The following FOXJ3 variants were observed in gnomAD, a reference collection of about 807,000 sequenced individuals.
The protein encoded by FOXJ3 is forkhead box J3.
Under a neutral mutation model 76.1 loss-of-function variants are expected in FOXJ3, and 22 were observed. The observed-to-expected ratio is 0.29, with a 90% CI of 0.21 to 0.41. The LOEUF (loss-of-function observed/expected upper bound fraction) is 0.41, where lower values mean the gene tolerates loss of function less well. Among genes scored for constraint, FOXJ3 ranks in the 10% least tolerant of loss-of-function variants. The pLI, the probability that FOXJ3 is intolerant of heterozygous loss-of-function variation, is 1.00. For synonymous variants in FOXJ3, 269 were observed against 261.2 expected, an observed-to-expected ratio of 1.03 and a Z score of -0.29; for missense variants, 613 against 762.1, an observed-to-expected ratio of 0.80 and a Z score of 2.30.
chr1:42,237,405 C>CATACATATATATATATATAT (rs1256003745), intron 4 of FOXJ3, among the ~76,000 whole-genome samples: 1 of 140,772 alleles, frequency 7.1e-6, no homozygotes, highest in Non-Finnish European at 1.5e-5. Context: ...TACATACATA[C>CATACATATATATATATATAT]ATATATATAT....
chr1:42,217,703 A>G (rs750975772), intron 5 of FOXJ3, among the ~76,000 whole-genome samples: 1 of 152,204 alleles, frequency 6.6e-6, no homozygotes, highest in Non-Finnish European at 1.5e-5. Flanking sequence ...CAATATTGCT[A>G]GGATGTCAAT....
chr1:42,262,446 A>G (rs1008493479), intron 4 of FOXJ3, among the ~76,000 whole-genome samples: 6 of 152,224 alleles, frequency 3.9e-5, no homozygotes, highest in Non-Finnish European at 8.8e-5. Context: ...AAAAAACAAA[A>G]TCTCATTTTG....
At chr1:42,292,397 C>A (rs1186505460) in intron 2 of FOXJ3, among the ~76,000 whole-genome samples, 1 of 152,110 alleles carries the variant, frequency 6.6e-6, no homozygotes, top group Non-Finnish European at 1.5e-5. Context: ...TAGCCAAAAA[C>A]TGAAAACAAT....
chr1:42,252,438 T>C (rs1172415209), intron 4 of FOXJ3, among the ~76,000 whole-genome samples: 4 of 152,166 alleles, frequency 2.6e-5, no homozygotes, highest in African/African-American at 4.8e-5. Context: ...TCTCTGATGG[T>C]AGTTTGTATT....
chr1:42,196,379 T>C (rs1324348364), intron 7 of FOXJ3, among the ~76,000 whole-genome samples: 1 of 152,176 alleles, frequency 6.6e-6, no homozygotes, highest in Non-Finnish European at 1.5e-5. Context: ...GCTCGACCAT[T>C]TGACACCTTG....
At chr1:42,299,952 G>A (rs746967676) in intron 2 of FOXJ3, among the ~76,000 whole-genome samples, 8 of 151,764 alleles carry the variant, frequency 5.3e-5, no homozygotes, top group Admixed American at 1.3e-4. Flanking sequence ...ACCGTAATCC[G>A]AGCACTTTGG....
At chr1:42,274,003 C>A (rs1652066502) in intron 3 of FOXJ3, among the ~76,000 whole-genome samples, 1 of 152,126 alleles carries the variant, frequency 6.6e-6, no homozygotes, top group Non-Finnish European at 1.5e-5. Flanking sequence ...ACGTCACCTA[C>A]CTGGCATCTG....
intron 9 of FOXJ3, among the ~76,000 whole-genome samples, chr1:42,190,618 T>C (rs900324507): frequency 6.6e-6 from 1 of 152,224 alleles, no homozygotes; most frequent in African/African-American, 2.4e-5. Context: ...AAAGCAGTAC[T>C]AGAATCCAGA....
chr1:42,299,556 T>A (rs1403089284), intron 2 of FOXJ3, among the ~76,000 whole-genome samples: 1 of 151,114 alleles, frequency 6.6e-6, no homozygotes, highest in African/African-American at 2.4e-5. Context: ...TTTTTTTTTT[T>A]AATTTGCCAC....
chr1:42,290,023 T>C (rs1653316181), intron 2 of FOXJ3, among the ~76,000 whole-genome samples: 1 of 152,128 alleles, frequency 6.6e-6, no homozygotes, highest in African/African-American at 2.4e-5. Flanking sequence ...GTACGTTCCC[T>C]TGAGCACATG....
intron 8 of FOXJ3, among the ~76,000 whole-genome samples, 188 bp from the exon 9 acceptor site, chr1:42,191,907 C>T (rs1354732958): frequency 6.6e-6 from 1 of 152,112 alleles, no homozygotes; most frequent in African/African-American, 2.4e-5. Flanking sequence ...TAATGCCCCA[C>T]CCTCAAGTGG....
intron 10 of FOXJ3, 59 bp downstream of exon 10, chr1:42,189,244 C>T (rs1646495750): frequency 9.7e-7 from 1 of 1,035,524 alleles, no homozygotes; most frequent in South Asian, 1.3e-5. Flanking sequence ...AAGTTATAAT[C>T]TAGCAGAGAA....
At chr1:42,190,809 A>C (rs553540891) in intron 9 of FOXJ3, among the ~76,000 whole-genome samples, 1 of 152,298 alleles carries the variant, frequency 6.6e-6, no homozygotes, top group Non-Finnish European at 1.5e-5. Context: ...AAATAAAGCA[A>C]ACTCTGCAGC....
chr1:42,190,887 T>A lies in FOXJ3; in HGVS notation c.1351+416A>T, dbSNP rs531246299. The stretch of plus-strand genomic sequence containing the variant: ...ATTTTAGTTCTTTTAGAATAACTGG[T>A]GTTATAAGCTTTGAAGTCAGACATG... On this transcript the variant is annotated intron_variant, in intron 9 of 12. Transcript: ENST00000361346. Among the ~76,000 whole-genome samples the A allele has an allele frequency of 2.6e-5, 4 of 152,306 alleles. No homozygotes were observed. The South Asian group carries it at 8.3e-4, about 32-fold the overall frequency.
intron 11 of FOXJ3, among the ~76,000 whole-genome samples, chr1:42,183,026 G>A (rs1646355904): frequency 6.7e-6 from 1 of 149,554 alleles, no homozygotes; most frequent in Non-Finnish European, 1.5e-5. Flanking sequence ...TATAATCCCA[G>A]CACTTTGGGA....
chr1:42,237,138 G>C (rs1648709518), intron 4 of FOXJ3, among the ~76,000 whole-genome samples: 1 of 152,006 alleles, frequency 6.6e-6, no homozygotes, highest in Non-Finnish European at 1.5e-5. Flanking sequence ...CACTCTCGGA[G>C]GCCGAGGGGG....
At chr1:42,222,504 GGA>G (rs1329416644) in intron 5 of FOXJ3, among the ~76,000 whole-genome samples, 11 of 152,164 alleles carry the variant, frequency 7.2e-5, no homozygotes, top group Non-Finnish European at 1.5e-4. Context: ...GCTTGAGTGA[GGA>G]GAGGGTATGA....
intron 4 of FOXJ3, among the ~76,000 whole-genome samples, chr1:42,254,022 A>G (rs2124583284): frequency 6.6e-6 from 1 of 151,702 alleles, no homozygotes; most frequent in African/African-American, 2.4e-5. Flanking sequence ...CAGAGTGAAC[A>G]GGCAACCTAC....
chr1:42,311,650 A>AAAAAGTAGTAGTAGTAGTAGTAGT (rs1553169326), intron 1 of FOXJ3, among the ~76,000 whole-genome samples: 1 of 149,414 alleles, frequency 6.7e-6, no homozygotes, highest in African/African-American at 2.5e-5. Flanking sequence ...TTTAAAAAAA[A>AAAAAGTAGTAGTAGTAGTAGTAGT]AGTAGTAGTA....
Sources: gnomAD v4.1 joint callset for allele counts (sites outside exome capture counted in the v4.1 genomes callset) on GRCh38, gnomAD v4.1.1 for gene constraint, MANE v1.5 for transcripts, NCBI Gene and HGNC (gene_info 2026-07-23, HGNC 2026-07-21) for gene names.